The following AKAP6 variants were observed in gnomAD, a reference collection of about 807,000 sequenced individuals.
AKAP6 encodes the protein A-kinase anchor protein 6.
In AKAP6, 58 loss-of-function variants were observed where a neutral mutation model predicts 188.5. That is an observed-to-expected ratio of 0.31 (90% confidence interval 0.25 to 0.38). The LOEUF is 0.38. Among genes scored for constraint, AKAP6 ranks in the 10% least tolerant of loss-of-function variants. The probability of loss-of-function intolerance (pLI) is 1.00; values close to 1 mark genes in which losing one functional copy is unlikely to be tolerated. For missense variants in AKAP6, 2,710 were observed against 2,740.0 expected (o/e 0.99, Z 0.24); for synonymous variants, 989 against 998.6 (o/e 0.99, Z 0.18).
chr14:32,817,463 GTGTGT>G (rs2034410905), intron 12 of AKAP6, among the ~76,000 whole-genome samples: 1 of 118,034 alleles, frequency 8.5e-6, no homozygotes, highest in South Asian at 2.7e-4. Flanking sequence ...GTGTGTGTGT[GTGTGT>G]GTGTGTGTGT....
At chr14:32,554,414 T>A (rs2139185066) in intron 4 of AKAP6, among the ~76,000 whole-genome samples, 1 of 152,288 alleles carries the variant, frequency 6.6e-6, no homozygotes, top group Admixed American at 6.5e-5. Context: ...AACAAGCATA[T>A]GGAAGAGCTG....
chr14:32,511,770 G>A (rs1320982915), intron 2 of AKAP6, among the ~76,000 whole-genome samples: 1 of 151,148 alleles, frequency 6.6e-6, no homozygotes, highest in Non-Finnish European at 1.5e-5. Flanking sequence ...GCTAAACTGA[G>A]TGCTGAATTG....
At chr14:32,786,268 C>T (rs2033398590) in intron 12 of AKAP6, among the ~76,000 whole-genome samples, 1 of 141,260 alleles carries the variant, frequency 7.1e-6, no homozygotes. Flanking sequence ...TTCAGCTCTA[C>T]TTAGCCCTCT....
intron 1 of AKAP6, among the ~76,000 whole-genome samples, chr14:32,395,059 A>C (rs999394045): frequency 1.3e-5 from 2 of 148,574 alleles, no homozygotes; most frequent in African/African-American, 5.1e-5. Flanking sequence ...GCGTTATCCC[A>C]AAGCTGCCCT....
At chr14:32,736,411 C>T (rs1256956263) in intron 11 of AKAP6, among the ~76,000 whole-genome samples, 2 of 152,138 alleles carry the variant, frequency 1.3e-5, no homozygotes, top group Admixed American at 1.3e-4. Flanking sequence ...CCAACCTGAG[C>T]AATACAATAT....
intron 9 of AKAP6, among the ~76,000 whole-genome samples, chr14:32,725,387 A>G (rs1292849624): frequency 6.6e-6 from 1 of 152,240 alleles, no homozygotes; most frequent in African/African-American, 2.4e-5. Context: ...GGGCACGTCA[A>G]AGCTTCAGAC....
At chr14:32,628,855 G>T (rs904308671) in intron 7 of AKAP6, among the ~76,000 whole-genome samples, 1 of 152,006 alleles carries the variant, frequency 6.6e-6, no homozygotes, top group Non-Finnish European at 1.5e-5. Flanking sequence ...TCTGTGAAAA[G>T]TCAGAATAAA....
intron 5 of AKAP6, among the ~76,000 whole-genome samples, chr14:32,583,687 C>T (rs1594761548): frequency 6.6e-6 from 1 of 152,302 alleles, no homozygotes; most frequent in East Asian, 1.9e-4. Flanking sequence ...TGGCGGGTGC[C>T]CCTCCCCCAG....
intron 3 of AKAP6, among the ~76,000 whole-genome samples, chr14:32,544,623 A>T (rs1248655520): frequency 6.6e-6 from 1 of 152,196 alleles, no homozygotes; most frequent in Non-Finnish European, 1.5e-5. Context: ...TTGGACATTC[A>T]TTAATTTTCT....
At chr14:32,346,672 C>G (rs1053221751) in intron 1 of AKAP6, among the ~76,000 whole-genome samples, 4 of 152,170 alleles carry the variant, frequency 2.6e-5, no homozygotes, top group African/African-American at 9.7e-5. Context: ...CCGCGCCTGG[C>G]TAATTTTTTG....
At chr14:32,512,785 T>C (rs562086692) in intron 2 of AKAP6, among the ~76,000 whole-genome samples, 1 of 152,338 alleles carries the variant, frequency 6.6e-6, no homozygotes, top group East Asian at 1.9e-4. Flanking sequence ...TAGATTTTCA[T>C]AACTCAGACA....
At chr14:32,764,193 G>A (rs2032632284) in intron 11 of AKAP6, among the ~76,000 whole-genome samples, 1 of 152,064 alleles carries the variant, frequency 6.6e-6, no homozygotes, top group Non-Finnish European at 1.5e-5. Context: ...TTTGAGAAAA[G>A]GTTTTGTCTG....
At chr14:32,457,822 C>T (rs1198694188) in intron 2 of AKAP6, among the ~76,000 whole-genome samples, 2 of 152,120 alleles carry the variant, frequency 1.3e-5, no homozygotes, top group Admixed American at 1.3e-4. Flanking sequence ...TAATTGGGAC[C>T]CATATCATGC....
chr14:32,747,701 ATAT>A (rs1156403265), intron 11 of AKAP6, among the ~76,000 whole-genome samples: 9 of 152,220 alleles, frequency 5.9e-5, no homozygotes, highest in Non-Finnish European at 1.3e-4. Flanking sequence ...ATATAAATAA[ATAT>A]TATTCACACT....
In AKAP6 at chr14:32,545,995, A is replaced by C; in HGVS notation, c.1342A>C (p.Ser448Arg). The change falls in exon 4 of 14, where the codon AGC becomes CGC. Residue 448 changes from serine (S) to arginine (R), a missense_variant. Physicochemically the swap from Ser to Arg is moderately radical, Grantham distance 110. This residue lies in a region of AKAP6 where 2,473 missense variants were observed against 2,426.1 expected (regional missense o/e 1.02). Transcript: ENST00000280979. The part of the protein sequence containing the change: ...CLVLQSSYPN[S>R]PSAASQSYEC... ...GGTATTGCAGTCTTCTTACCCCAAC[A>C]GCCCTTCTGCTGCCAGCCAGTCTTA... The C allele has an allele frequency of 6.2e-7, 1 of 1,614,146 alleles. No individual in the cohort carries two copies. The highest frequency in any genetic ancestry group is 8.5e-7 in the Non-Finnish European group (1 of 1,180,024).
At position 32,542,822 on chromosome 14, in the gene AKAP6, T is replaced by C. The variant is rs1320712924; in HGVS notation, c.577-2408T>C. On this transcript the variant is annotated intron_variant, in intron 3 of 13. Transcript: ENST00000280979. Reference sequence around the variant, plus strand: ...TTAAAAATACTTATCTATGACATCGTTGATTTCTGTCTTCAGTCATATACT... The same window carrying C: ...TTAAAAATACTTATCTATGACATCGCTGATTTCTGTCTTCAGTCATATACT... Among the ~76,000 whole-genome samples the C allele has an allele frequency of 4.6e-5, 7 of 152,234 alleles. No individual in the cohort carries two copies. In the East Asian group the frequency reaches 1.2e-3, roughly 25 times the overall value.
chr14:32,573,582 AATG>A (rs780985979), intron 4 of AKAP6, among the ~76,000 whole-genome samples: 18 of 152,192 alleles, frequency 1.2e-4, no homozygotes, highest in Non-Finnish European at 1.9e-4. Context: ...TTTTTGCCAC[AATG>A]ATATTTATCT....
chr14:32,676,081 C>T (rs1160812677), intron 7 of AKAP6, among the ~76,000 whole-genome samples: 3 of 152,102 alleles, frequency 2.0e-5, no homozygotes, highest in Non-Finnish European at 4.4e-5. Context: ...ATATCAAACA[C>T]GTCCCTTGGT....
chr14:32,501,647 A>G (rs1033318756), intron 2 of AKAP6, among the ~76,000 whole-genome samples: 1 of 152,138 alleles, frequency 6.6e-6, no homozygotes, highest in Admixed American at 6.6e-5. Flanking sequence ...TATTATTACC[A>G]TATTTTACAG....
Sources: allele counts gnomAD v4.1 joint callset (sites outside exome capture counted in the v4.1 genomes callset), GRCh38; gene constraint gnomAD v4.1.1; regional missense constraint gnomAD v4.1.1; transcripts MANE v1.5; gene names NCBI Gene and HGNC (gene_info 2026-07-23, HGNC 2026-07-21).